The following SNX18 variants were observed in gnomAD, a reference collection of about 807,000 sequenced individuals.
SNX18 encodes the protein sorting nexin 18.
Under a neutral mutation model 48.7 loss-of-function variants are expected in SNX18, and 35 were observed. That is an observed-to-expected ratio of 0.72 (90% confidence interval 0.55 to 0.95). The LOEUF is 0.95. Among genes scored for constraint, SNX18 ranks in the 40% least tolerant of loss-of-function variants. The pLI is 0.00. For missense variants in SNX18, 824 were observed against 871.0 expected (o/e 0.95, Z 0.68); for synonymous variants, 492 against 384.7 (o/e 1.28, Z -3.26).
Position 54,519,108 on chromosome 5 carries a change from G to C in SNX18, c.1156G>C (p.Asp386His), listed in dbSNP as rs988301482. ...QHFLTCPSST[D>H]EKAWKQGKRK... ...CTTCCTGACGTGCCCCAGCAGCACC[G>C]ACGAGAAAGCCTGGAAGCAGGGCAA... The change falls in exon 1 of 2, where the codon GAC (aspartate) becomes CAC (histidine). Residue 386 changes from aspartate (D) to histidine (H), a missense_variant. Asp to His is a moderately conservative substitution (Grantham distance 81). Around this residue, in one of 3 missense-constraint regions of SNX18, gnomAD observed 443 missense variants for 503.6 expected, o/e 0.88. Coordinates refer to ENST00000381410, the MANE Select transcript of SNX18 (RefSeq NM_001102575.2). 1 of 1,614,102 alleles carries C rather than the reference G, an allele frequency of 6.2e-7. No homozygotes were observed. The highest frequency in any genetic ancestry group is 8.5e-7 in the Non-Finnish European group (1 of 1,180,012).
chr5:54,623,963 C>A, the SNX18 span, among the ~76,000 whole-genome samples: 18 of 152,118 alleles, frequency 1.2e-4, no homozygotes, highest in Non-Finnish European at 2.2e-4. Flanking sequence ...ACCTCAGTTA[C>A]GAGTAAGCAT....
chr5:54,606,738 C>T, the SNX18 span, among the ~76,000 whole-genome samples: 1 of 152,186 alleles, frequency 6.6e-6, no homozygotes, highest in Non-Finnish European at 1.5e-5. Context: ...TTTTACAAAA[C>T]ATTAGTATAA....
At chr5:54,549,038 T>G (rs939053414), downstream of SNX18, among the ~76,000 whole-genome samples, 5 of 152,262 alleles carry the variant, frequency 3.3e-5, no homozygotes, top group African/African-American at 1.2e-4. Flanking sequence ...TATTTGTATT[T>G]TTTTGTATTG....
At chr5:54,615,412 T>C in the SNX18 span, among the ~76,000 whole-genome samples, 2 of 151,024 alleles carry the variant, frequency 1.3e-5, no homozygotes, top group Admixed American at 1.3e-4. Context: ...GTCTGCCTCA[T>C]GCATTCCTAC....
At chr5:54,571,687 T>C in the SNX18 span, among the ~76,000 whole-genome samples, 1 of 152,228 alleles carries the variant, frequency 6.6e-6, no homozygotes, top group Non-Finnish European at 1.5e-5. Context: ...GAAAGGTATT[T>C]CCTACCTGGA....
At chr5:54,613,084 G>A in the SNX18 span, among the ~76,000 whole-genome samples, 1 of 152,230 alleles carries the variant, frequency 6.6e-6, no homozygotes, top group Non-Finnish European at 1.5e-5. Flanking sequence ...CAGAGCCTAG[G>A]ATGGGAGCGG....
At chr5:54,522,837 A>C (rs1762056290) in intron 1 of SNX18, among the ~76,000 whole-genome samples, 1 of 152,208 alleles carries the variant, frequency 6.6e-6, no homozygotes, top group Admixed American at 6.5e-5. Context: ...CTTTAAACTA[A>C]TAATGGTTTT....
chr5:54,592,913 GCC>G, the SNX18 span, among the ~76,000 whole-genome samples: 1 of 152,202 alleles, frequency 6.6e-6, no homozygotes, highest in African/African-American at 2.4e-5. Flanking sequence ...CGATTCTCAT[GCC>G]TCAGCCTCCC....
chr5:54,636,651 T>G, the SNX18 span, among the ~76,000 whole-genome samples: 1 of 152,056 alleles, frequency 6.6e-6, no homozygotes, highest in Non-Finnish European at 1.5e-5. Context: ...GCATCAAAAA[T>G]GAGTAAGGAA....
intron 1 of SNX18, among the ~76,000 whole-genome samples, chr5:54,532,332 T>G (rs1047546087): frequency 1.3e-5 from 2 of 150,718 alleles, no homozygotes; most frequent in Non-Finnish European, 3.0e-5. Context: ...TTTTTTTTTT[T>G]GTAGAGACCA....
In SNX18 at chr5:54,518,625, G is replaced by T; in HGVS notation, c.673G>T (p.Val225Leu). Residue 225 changes from valine (V) to leucine (L), a missense_variant, in exon 1 of 2, where the codon GTG (valine) becomes TTG (leucine). Physicochemically the swap from Val to Leu is conservative, Grantham distance 32. Around this residue, in one of 3 missense-constraint regions of SNX18, gnomAD observed 377 missense variants for 350.6 expected, o/e 1.08. Coordinates refer to ENST00000381410, the MANE Select transcript of SNX18 (RefSeq NM_001102575.2). ...HPSGPKSSAT[V>L]SRNLNRFSTF... ...GTCGGGGCCCAAGAGCTCGGCCACC[G>T]TGAGCCGCAACCTCAATCGCTTCTC... 6.4e-7 allele frequency: 1 copy of T among 1,560,416 alleles called. No individual in the cohort carries two copies. The highest frequency in any genetic ancestry group is 8.7e-7 in the Non-Finnish European group (1 of 1,155,386).
the SNX18 span, among the ~76,000 whole-genome samples, chr5:54,573,464 C>T: frequency 7.9e-5 from 12 of 152,298 alleles, no homozygotes; most frequent in East Asian, 3.9e-4. Flanking sequence ...CCACTGCACC[C>T]GGCCTCAAAT....
chr5:54,610,006 A>G, the SNX18 span, among the ~76,000 whole-genome samples: 2 of 151,874 alleles, frequency 1.3e-5, no homozygotes, highest in South Asian at 4.2e-4. Context: ...CCTTACTCCT[A>G]CTTTCACCAT....
chr5:54,574,537 C>T, the SNX18 span, among the ~76,000 whole-genome samples: 55 of 152,174 alleles, frequency 3.6e-4, no homozygotes, highest in African/African-American at 1.1e-3. Flanking sequence ...GGATTCTATG[C>T]CCAGTTAAAA....
At chr5:54,605,771 T>C in the SNX18 span, among the ~76,000 whole-genome samples, 1 of 152,166 alleles carries the variant, frequency 6.6e-6, no homozygotes, top group Non-Finnish European at 1.5e-5. Flanking sequence ...GGGATCCTCC[T>C]GCCTCAGCCT....
At chr5:54,519,944 C>T (rs774317004) in intron 1 of SNX18, 18 of 907,782 alleles carry the variant, frequency 2.0e-5, no homozygotes, top group East Asian at 1.6e-4. Flanking sequence ...GAACACTGCA[C>T]TGTCACTTAG....
the SNX18 span, among the ~76,000 whole-genome samples, chr5:54,567,804 G>T: frequency 6.6e-6 from 1 of 152,142 alleles, no homozygotes; most frequent in Non-Finnish European, 1.5e-5. Context: ...ACCCAGCATT[G>T]CCCAGAGCAC....
At chr5:54,601,229 A>C in the SNX18 span, among the ~76,000 whole-genome samples, 1 of 43,264 alleles carries the variant, frequency 2.3e-5, no homozygotes, top group African/African-American at 4.5e-5. Flanking sequence ...GTTGGCAGCC[A>C]TTACAAATCA....
chr5:54,580,333 G>A, the SNX18 span, among the ~76,000 whole-genome samples: 1 of 152,272 alleles, frequency 6.6e-6, no homozygotes, highest in South Asian at 2.1e-4. Flanking sequence ...TGAAAAGTAT[G>A]TTCTTAGGGT....
Sources: gnomAD v4.1 joint callset for allele counts (sites outside exome capture counted in the v4.1 genomes callset) on GRCh38, gnomAD v4.1.1 for gene constraint, gnomAD v4.1.1 regional missense constraint, MANE v1.5 for transcripts, NCBI Gene and HGNC (gene_info 2026-07-23, HGNC 2026-07-21) for gene names.